Variants in LUZP2 observed in about 807,000 individuals in gnomAD.
LUZP2 encodes the protein leucine zipper protein 2.
A neutral mutation model predicts 51.6 loss-of-function variants in LUZP2; 52 were observed. The observed-to-expected ratio is 1.01, with a 90% CI of 0.81 to 1.27. The LOEUF (loss-of-function observed/expected upper bound fraction) is 1.27. Among genes scored for constraint, LUZP2 ranks in the 50% most tolerant of loss-of-function variants. LUZP2 has a pLI of 0.00. For missense variants in LUZP2, 436 were observed against 395.4 expected, an observed-to-expected ratio of 1.10 and a Z score of -0.87; for synonymous variants, 154 against 137.3, an observed-to-expected ratio of 1.12 and a Z score of -0.85.
intron 7 of LUZP2, among the ~76,000 whole-genome samples, chr11:24,961,529 G>C (rs1385431303): frequency 6.6e-6 from 1 of 151,904 alleles, no homozygotes; most frequent in East Asian, 1.9e-4. Flanking sequence ...TTTGATCTTT[G>C]TTGGTTTAAA....
intron 7 of LUZP2, among the ~76,000 whole-genome samples, chr11:24,971,508 G>A (rs1330150701): frequency 1.3e-5 from 2 of 152,060 alleles, no homozygotes; most frequent in Non-Finnish European, 2.9e-5. Context: ...GAGGAGGTTA[G>A]GTTGAAAAAC....
At chr11:25,001,387 G>A (rs888547214) in intron 9 of LUZP2, among the ~76,000 whole-genome samples, 6 of 152,106 alleles carry the variant, frequency 3.9e-5, no homozygotes, top group Non-Finnish European at 7.4e-5. Context: ...CGCCTCAGAG[G>A]AACCATCTAG....
At chr11:24,693,597 T>A (rs1022640029) in intron 1 of LUZP2, among the ~76,000 whole-genome samples, 1 of 152,060 alleles carries the variant, frequency 6.6e-6, no homozygotes, top group East Asian at 1.9e-4. Context: ...AAACTAGAGA[T>A]CTTTGTTTTT....
At chr11:24,652,998 G>T (rs1385609682) in intron 1 of LUZP2, among the ~76,000 whole-genome samples, 2 of 152,130 alleles carry the variant, frequency 1.3e-5, no homozygotes, top group East Asian at 3.8e-4. Flanking sequence ...TGTGTCAAAG[G>T]TTAGAATTAA....
At chr11:24,705,087 AT>A (rs1373057153) in intron 1 of LUZP2, among the ~76,000 whole-genome samples, 5 of 151,882 alleles carry the variant, frequency 3.3e-5, no homozygotes, top group Non-Finnish European at 1.5e-5. Flanking sequence ...TTTTTTTTTC[AT>A]TCTTTTTTTT....
intron 5 of LUZP2, among the ~76,000 whole-genome samples, chr11:24,764,484 C>A (rs1015759131): frequency 1.3e-5 from 1 of 76,032 alleles, no homozygotes; most frequent in African/African-American, 5.1e-5. Context: ...GGTAAAATCT[C>A]ATCTCTAAAA....
intron 1 of LUZP2, among the ~76,000 whole-genome samples, chr11:24,674,302 C>T (rs1295305473): frequency 1.3e-5 from 2 of 152,158 alleles, no homozygotes; most frequent in African/African-American, 4.8e-5. Flanking sequence ...CAGCCTGTGA[C>T]CTTCTGCTAG....
At chr11:25,043,842 G>C (rs1213113203) in intron 9 of LUZP2, among the ~76,000 whole-genome samples, 1 of 146,452 alleles carries the variant, frequency 6.8e-6, no homozygotes, top group Admixed American at 6.9e-5. Context: ...TGTGCTTTTT[G>C]CTTTTGTTGT....
chr11:24,712,094 T>C (rs1364386227), intron 1 of LUZP2, among the ~76,000 whole-genome samples: 3 of 152,096 alleles, frequency 2.0e-5, no homozygotes, highest in Non-Finnish European at 4.4e-5. Context: ...TCAGGAACTA[T>C]TGAAATAGGA....
intron 9 of LUZP2, among the ~76,000 whole-genome samples, chr11:24,997,200 T>C (rs1374338992): frequency 1.3e-5 from 2 of 151,454 alleles, no homozygotes; most frequent in Non-Finnish European, 1.5e-5. Flanking sequence ...CCACACTGAC[T>C]TCCACAATGG....
At chr11:24,804,299 T>C (rs1411705721) in intron 5 of LUZP2, among the ~76,000 whole-genome samples, 2 of 121,960 alleles carry the variant, frequency 1.6e-5, no homozygotes, top group African/African-American at 5.7e-5. Flanking sequence ...ATGTTTCTAG[T>C]TACTCCATCA....
intron 7 of LUZP2, among the ~76,000 whole-genome samples, chr11:24,975,937 A>G (rs1855870095): frequency 6.6e-6 from 1 of 151,936 alleles, no homozygotes; most frequent in Non-Finnish European, 1.5e-5. Flanking sequence ...TGTAAAAATA[A>G]AAATCTATTA....
chr11:24,906,127 G>A (rs1226425420), intron 6 of LUZP2, 74 bp downstream of exon 6: 4 of 1,004,794 alleles, frequency 4.0e-6, no homozygotes, highest in Non-Finnish European at 6.1e-6. Context: ...GTTCAACTCA[G>A]ACATCTGGTA....
At chr11:24,948,961 G>A (rs1198751724) in intron 7 of LUZP2, among the ~76,000 whole-genome samples, 2 of 151,436 alleles carry the variant, frequency 1.3e-5, no homozygotes, top group Non-Finnish European at 3.0e-5. Flanking sequence ...AGAAAAGCCA[G>A]TGGTGTAATT....
chr11:24,835,481 C>G (rs1208149475), intron 5 of LUZP2, among the ~76,000 whole-genome samples: 1 of 152,066 alleles, frequency 6.6e-6, no homozygotes, highest in African/African-American at 2.4e-5. Context: ...AATTAAAGAG[C>G]TTCTGCACAG....
At chr11:24,917,071 T>A (rs1853812011) in intron 7 of LUZP2, among the ~76,000 whole-genome samples, 1 of 152,206 alleles carries the variant, frequency 6.6e-6, no homozygotes, top group Admixed American at 6.5e-5. Flanking sequence ...GATTTGCATT[T>A]CTCTGATGGC....
intron 9 of LUZP2, among the ~76,000 whole-genome samples, chr11:25,019,529 G>A (rs1479743044): frequency 2.6e-5 from 4 of 151,812 alleles, no homozygotes; most frequent in South Asian, 4.1e-4. Context: ...AATGAGCATG[G>A]TTTGGTTGAT....
chr11:24,640,567 ATACT>A (rs764488208), intron 1 of LUZP2, among the ~76,000 whole-genome samples: 12 of 151,902 alleles, frequency 7.9e-5, no homozygotes, highest in Non-Finnish European at 1.6e-4. Context: ...AAAAGATAAA[ATACT>A]TTATTTATTT....
At chr11:24,910,412 T>C (rs1590718400) in intron 6 of LUZP2, among the ~76,000 whole-genome samples, 1 of 151,670 alleles carries the variant, frequency 6.6e-6, no homozygotes, top group Non-Finnish European at 1.5e-5. Context: ...TGCCCAGAGG[T>C]CTAGGAGGGA....
Sources: allele counts gnomAD v4.1 joint callset (sites outside exome capture counted in the v4.1 genomes callset), GRCh38; gene constraint gnomAD v4.1.1; transcripts MANE v1.5; gene names NCBI Gene and HGNC (gene_info 2026-07-23, HGNC 2026-07-21).